The following SLC30A4 variants were observed in gnomAD, a reference collection of about 807,000 sequenced individuals.
The protein encoded by SLC30A4 is solute carrier family 30 member 4, also known as probable proton-coupled zinc antiporter SLC30A4.
SLC30A4 carries 20 observed loss-of-function variants against 41.7 expected under a neutral mutation model. The observed-to-expected ratio is 0.48, with a 90% CI of 0.34 to 0.70. The LOEUF (loss-of-function observed/expected upper bound fraction) is 0.70, where lower values mean the gene tolerates loss of function less well. Ranked by LOEUF, SLC30A4 falls within the 30% of genes least tolerant of loss-of-function variation. SLC30A4 has a pLI of 0.01. For missense variants in SLC30A4, 441 were observed against 529.3 expected (o/e 0.83, Z 1.64); for synonymous variants, 181 against 195.9 (o/e 0.92, Z 0.64).
rs1325391997 is a variant in SLC30A4, at chr15:45,484,507, A to G, written c.*656T>C. ...CACAATAAATAAAGATTTGGTTCTA[A>G]GATTACAAATAATGAAAAATGTTAA... On this transcript the variant is annotated 3_prime_UTR_variant, in exon 8 of 8. Transcript: ENST00000261867. The G allele has an allele frequency of 1.3e-5, 2 of 152,248 alleles. No individual in the cohort carries two copies. The highest frequency in any genetic ancestry group is 2.9e-5 in the Non-Finnish European group (2 of 68,038). 9.4% of individuals were successfully genotyped at this position (152,248 alleles called of 1,614,324 possible). A position where few individuals can be genotyped will look rare whatever the true frequency, so the allele number is the denominator to read the frequency against.
In SLC30A4 at chr15:45,522,262, G is replaced by A; in HGVS notation, c.93C>T (p.Phe31=). 6.2e-7 allele frequency: 1 copy of A among 1,614,168 alleles called. No homozygotes were observed. Among genetic ancestry groups the A allele is most frequent in the Non-Finnish European group, 8.5e-7 (1 of 1,180,026 alleles). The change falls in exon 2 of 8, where the codon TTC becomes TTT. Residue 31 remains phenylalanine (F), a synonymous_variant. Transcript: ENST00000261867. Reference sequence around the variant, plus strand: ...GCCCCTCGTCCCCCGCCTCATCCGAGAAGTCAAAGGCGCTGGTGTCATTTA... The same window carrying A: ...GCCCCTCGTCCCCCGCCTCATCCGAAAAGTCAAAGGCGCTGGTGTCATTTA... The part of the protein sequence containing the change: ...LFLNDTSAFD[F]SDEAGDEGLS...
chr15:45,508,954 G>C (rs1892219798), intron 3 of SLC30A4, among the ~76,000 whole-genome samples: 1 of 152,038 alleles, frequency 6.6e-6, no homozygotes, highest in African/African-American at 2.4e-5. Flanking sequence ...TTCTGTTATT[G>C]CATGTTTCTG....
chr15:45,522,376 G>A lies in SLC30A4; in HGVS notation c.-22C>T, dbSNP rs886669725. ...CCATGGCAGAGGCTGAGCGGCCGCG[G>A]TGCGGAACGGCTTGGGGGAGGCGGA... On this transcript the variant is annotated 5_prime_UTR_variant, in exon 2 of 8. Transcript: ENST00000261867. 1.9e-6 allele frequency: 3 copies of A among 1,578,356 alleles called. No homozygotes were observed. The highest frequency in any genetic ancestry group is 2.2e-5 in the East Asian group (1 of 44,496).
intron 3 of SLC30A4, among the ~76,000 whole-genome samples, chr15:45,497,582 T>C (rs1344113294): frequency 1.3e-5 from 2 of 152,088 alleles, no homozygotes; most frequent in Non-Finnish European, 2.9e-5. Flanking sequence ...CTGAATTTCA[T>C]ATATAGAGAA....
intron 4 of SLC30A4, 51 bp from the exon 5 acceptor site, chr15:45,489,093 C>T (rs763846804): frequency 2.3e-6 from 3 of 1,300,328 alleles, no homozygotes; most frequent in South Asian, 1.3e-5. Flanking sequence ...TTGACAAAAA[C>T]ATTTGTCACT....
At chr15:45,498,024 A>G (rs1891942507) in intron 3 of SLC30A4, among the ~76,000 whole-genome samples, 1 of 152,216 alleles carries the variant, frequency 6.6e-6, no homozygotes, top group Admixed American at 6.5e-5. Context: ...ATAACTGTTA[A>G]CTTTGCTAAT....
At position 45,481,036 on chromosome 15, in the gene SLC30A4, C is replaced by G. The variant is rs1289070982; in HGVS notation, c.*4127G>C. 6.6e-6 allele frequency: 1 copy of G among 152,216 alleles called. No individual in the cohort carries two copies. The highest frequency in any genetic ancestry group is 1.5e-5 in the Non-Finnish European group (1 of 68,040). The allele number at this position is 152,216 out of a possible 1,614,324, so 9.4% of individuals were successfully genotyped here. ...CTCACATTAAAATGAGAGAGAAGCT[C>G]ACGTGTCTGATCTTGACTATGTCTA... On this transcript the variant is annotated 3_prime_UTR_variant, in exon 8 of 8. Coordinates refer to ENST00000261867, the MANE Select transcript of SLC30A4 (RefSeq NM_013309.6).
intron 3 of SLC30A4, among the ~76,000 whole-genome samples, chr15:45,492,223 A>C (rs2140818320): frequency 6.6e-6 from 1 of 151,988 alleles, no homozygotes; most frequent in East Asian, 1.9e-4. Flanking sequence ...AAAAAAAAAA[A>C]AAAAAAAACT....
intron 2 of SLC30A4, among the ~76,000 whole-genome samples, chr15:45,518,976 G>A (rs1892581885): frequency 6.6e-6 from 1 of 151,688 alleles, no homozygotes; most frequent in Non-Finnish European, 1.5e-5. Context: ...CTGTTGCCCT[G>A]GCTGGAGTGC....
At position 45,485,233 on chromosome 15, in the gene SLC30A4, G is replaced by C. The variant is rs759191429; in HGVS notation, c.1220C>G (p.Thr407Ser). ...TTGCCTGTAACTCTGAAGCTGAATA[G>C]TACATCTATACATGCCAAATGTGTT... ...LLNTFGMYRC[T>S]IQLQSYRQEV... Residue 407 changes from threonine to serine, a missense_variant, in exon 8 of 8, where the codon ACT (threonine) becomes AGT (serine). Transcript: ENST00000261867. 1.9e-6 allele frequency: 3 copies of C among 1,612,446 alleles called. No individual in the cohort carries two copies. Among genetic ancestry groups the C allele is most frequent in the Non-Finnish European group, 2.5e-6 (3 of 1,178,878 alleles).
At chr15:45,507,321 A>AAAAT (rs58217872) in intron 3 of SLC30A4, among the ~76,000 whole-genome samples, 48,997 of 140,732 alleles carry the variant, frequency 0.35, 9,046 homozygotes, top group South Asian at 0.51. Context: ...CTCTGTCTCA[A>AAAAT]AAATAAATAA....
intron 3 of SLC30A4, among the ~76,000 whole-genome samples, chr15:45,500,579 A>G (rs2088164): frequency 0.098 from 14,928 of 152,156 alleles, 804 homozygotes; most frequent in Middle Eastern, 0.23. Context: ...GTGTACAACC[A>G]GTACAACAGT....
intron 2 of SLC30A4, chr15:45,520,832 G>T: frequency 3.0e-6 from 1 of 333,874 alleles, no homozygotes. Flanking sequence ...ATGTATGCAT[G>T]CATGCCTAAA....
intron 6 of SLC30A4, 63 bp from the exon 7 acceptor site, chr15:45,486,808 C>T: frequency 1.1e-6 from 1 of 927,712 alleles, no homozygotes; most frequent in Non-Finnish European, 1.6e-6. Flanking sequence ...TTTTACATTA[C>T]CGATGACATT....
intron 2 of SLC30A4, among the ~76,000 whole-genome samples, chr15:45,518,351 G>A (rs1892557111): frequency 6.6e-6 from 1 of 151,962 alleles, no homozygotes; most frequent in South Asian, 2.1e-4. Context: ...TTTAATGATT[G>A]TCTCTTCCAT....
chr15:45,501,656 A>G (rs1292398133), intron 3 of SLC30A4, among the ~76,000 whole-genome samples: 1 of 151,940 alleles, frequency 6.6e-6, no homozygotes, highest in Non-Finnish European at 1.5e-5. Flanking sequence ...GCATGCCACC[A>G]TGGCTGGCTA....
chr15:45,487,919 T>TGTGC (rs1362199814), intron 5 of SLC30A4, among the ~76,000 whole-genome samples: 3 of 144,570 alleles, frequency 2.1e-5, no homozygotes, highest in Non-Finnish European at 3.0e-5. Context: ...TAAGTGTGTG[T>TGTGC]GTGTGTGTGT....
chr15:45,522,551 G>A, intron 1 of SLC30A4, 56 bp downstream of exon 1: 1 of 526,784 alleles, frequency 1.9e-6, no homozygotes. Flanking sequence ...GGGTCGCAGG[G>A]CCGACCCCGA....
At chr15:45,493,361 T>C (rs1236133833) in intron 3 of SLC30A4, among the ~76,000 whole-genome samples, 5 of 152,202 alleles carry the variant, frequency 3.3e-5, no homozygotes, top group African/African-American at 1.2e-4. Context: ...ATCCTGTAAG[T>C]GTTAATAGGT....
Sources: allele counts gnomAD v4.1 joint callset (sites outside exome capture counted in the v4.1 genomes callset), GRCh38; gene constraint gnomAD v4.1.1; transcripts MANE v1.5; gene names NCBI Gene and HGNC (gene_info 2026-07-23, HGNC 2026-07-21).